DISC1: variants seen among roughly 807,000 people sequenced by gnomAD.
DISC1 encodes the protein disrupted in schizophrenia 1 protein.
Under a neutral mutation model 84.5 loss-of-function variants are expected in DISC1, and 57 were observed. The observed-to-expected ratio is 0.67, with a 90% CI of 0.55 to 0.84. The LOEUF (loss-of-function observed/expected upper bound fraction) is 0.84. DISC1 is among the 40% of genes least tolerant of loss of function. The pLI, the probability that DISC1 is intolerant of heterozygous loss-of-function variation, is 0.00. For missense variants in DISC1, 1,000 were observed against 1,057.8 expected (o/e 0.95, Z 0.76); for synonymous variants, 411 against 415.2 (o/e 0.99, Z 0.12).
intron 1 of DISC1, among the ~76,000 whole-genome samples, chr1:231,686,824 C>T (rs1160616396): frequency 6.6e-6 from 1 of 152,158 alleles, no homozygotes; most frequent in Non-Finnish European, 1.5e-5. Context: ...ATGCCTTTAA[C>T]AGCACCCATG....
intron 11 of DISC1, among the ~76,000 whole-genome samples, chr1:232,015,455 A>G (rs375036813): frequency 1.7e-4 from 26 of 152,078 alleles, no homozygotes; most frequent in African/African-American, 6.0e-4. Flanking sequence ...CTGCGTTTGT[A>G]ACAGAGGAGG....
At chr1:231,774,233 A>G (rs1476127416) in intron 6 of DISC1, among the ~76,000 whole-genome samples, 1 of 152,140 alleles carries the variant, frequency 6.6e-6, no homozygotes, top group Non-Finnish European at 1.5e-5. Context: ...CAGCCAGGGC[A>G]ACAGAGCAAG....
chr1:231,903,284 A>G (rs1015818847), intron 9 of DISC1, among the ~76,000 whole-genome samples: 2 of 152,048 alleles, frequency 1.3e-5, no homozygotes, highest in African/African-American at 4.8e-5. Flanking sequence ...CTAATCCAGT[A>G]TGACCTCCTC....
At chr1:231,813,830 C>T (rs988259082) in intron 8 of DISC1, among the ~76,000 whole-genome samples, 3 of 152,186 alleles carry the variant, frequency 2.0e-5, no homozygotes, top group Non-Finnish European at 4.4e-5. Flanking sequence ...GGAATAATCT[C>T]TCTTCTCCTC....
chr1:231,642,197 C>G (rs1164471382), intron 1 of DISC1, among the ~76,000 whole-genome samples: 1 of 152,172 alleles, frequency 6.6e-6, no homozygotes. Context: ...CCGGCCACTC[C>G]GAGTGCGGAC....
At chr1:231,741,134 G>C (rs78165217) in intron 3 of DISC1, among the ~76,000 whole-genome samples, 2,533 of 152,344 alleles carry the variant, frequency 0.017, 34 homozygotes, top group Non-Finnish European at 0.026. Context: ...CATCCTTGCA[G>C]AAGTGCTGAC....
chr1:231,961,064 A>G (rs1354088291), intron 10 of DISC1, among the ~76,000 whole-genome samples: 1 of 152,206 alleles, frequency 6.6e-6, no homozygotes, highest in East Asian at 1.9e-4. Flanking sequence ...TGGGCACACC[A>G]TCTTCAAGGA....
chr1:231,746,467 G>T (rs1222046163), intron 3 of DISC1, among the ~76,000 whole-genome samples: 1 of 152,176 alleles, frequency 6.6e-6, no homozygotes, highest in African/African-American at 2.4e-5. Flanking sequence ...TAAATGTGCA[G>T]TAGTGGGATT....
intron 9 of DISC1, among the ~76,000 whole-genome samples, chr1:231,834,579 C>T (rs112942072): frequency 0.012 from 1,785 of 152,026 alleles, 34 homozygotes; most frequent in African/African-American, 0.04. Context: ...TGGGGTCAAG[C>T]GGCATCGCAG....
intron 9 of DISC1, among the ~76,000 whole-genome samples, chr1:231,893,611 A>G (rs1200284792): frequency 1.3e-5 from 2 of 152,022 alleles, no homozygotes; most frequent in African/African-American, 4.8e-5. Flanking sequence ...ATCTACTTTG[A>G]GTAATTCTGG....
intron 12 of DISC1, among the ~76,000 whole-genome samples, chr1:232,035,881 A>G (rs1264563666): frequency 6.6e-6 from 1 of 152,352 alleles, no homozygotes; most frequent in South Asian, 2.1e-4. Context: ...CCGTTTCTTA[A>G]GAGAACTACA....
intron 2 of DISC1, among the ~76,000 whole-genome samples, chr1:231,696,101 G>T (rs575228790): frequency 3.3e-5 from 5 of 152,196 alleles, no homozygotes; most frequent in African/African-American, 1.2e-4. Context: ...CAGTTTCTTA[G>T]GCCAGAAACC....
intron 10 of DISC1, among the ~76,000 whole-genome samples, chr1:231,976,532 A>G (rs1466850121): frequency 6.6e-6 from 1 of 152,242 alleles, no homozygotes. Context: ...TCTTAGTTGC[A>G]TGTTGAAGAA....
chr1:231,865,865 C>T (rs2085020268), intron 9 of DISC1, among the ~76,000 whole-genome samples: 1 of 152,190 alleles, frequency 6.6e-6, no homozygotes, highest in African/African-American at 2.4e-5. Context: ...GAAGATATGG[C>T]AGCTTAGGAA....
intron 2 of DISC1, among the ~76,000 whole-genome samples, chr1:231,699,411 T>C (rs1301258470): frequency 6.6e-6 from 1 of 152,106 alleles, no homozygotes; most frequent in Non-Finnish European, 1.5e-5. Flanking sequence ...TACTCCATTC[T>C]TCCAGTGGGT....
chr1:231,750,292 G>T, intron 4 of DISC1: 2 of 1,365,684 alleles, frequency 1.5e-6, no homozygotes, highest in Non-Finnish European at 1.9e-6. Context: ...TCTGCCACTT[G>T]ACAGAGAGAG....
At chr1:231,680,157 G>A (rs973790428) in intron 1 of DISC1, among the ~76,000 whole-genome samples, 74 of 152,146 alleles carry the variant, frequency 4.9e-4, no homozygotes, top group African/African-American at 1.8e-3. Flanking sequence ...GAACACAGGG[G>A]GCGGAGGCTG....
intron 4 of DISC1, among the ~76,000 whole-genome samples, chr1:231,758,734 A>C (rs1156455964): frequency 6.6e-6 from 1 of 152,120 alleles, no homozygotes; most frequent in Non-Finnish European, 1.5e-5. Flanking sequence ...AAGGAAAGTT[A>C]TTTTTCCTTT....
intron 9 of DISC1, among the ~76,000 whole-genome samples, chr1:231,877,763 A>G (rs1389275251): frequency 1.3e-5 from 2 of 152,248 alleles, no homozygotes; most frequent in Non-Finnish European, 2.9e-5. Context: ...GTAACTTTGC[A>G]TGGTTGCATT....
Sources: allele counts gnomAD v4.1 joint callset (sites outside exome capture counted in the v4.1 genomes callset), GRCh38; gene constraint gnomAD v4.1.1; transcripts MANE v1.5; gene names NCBI Gene and HGNC (gene_info 2026-07-23, HGNC 2026-07-21).